CHST11: variants seen among roughly 807,000 people sequenced by gnomAD.
CHST11 encodes the protein C4S-1.
A neutral mutation model predicts 30.4 loss-of-function variants in CHST11; 9 were observed. The observed-to-expected ratio is 0.30, with a 90% confidence interval of 0.18 to 0.52. The LOEUF is 0.52. Among genes scored for constraint, CHST11 ranks in the 20% least tolerant of loss-of-function variants. CHST11 has a pLI of 0.97. For synonymous variants in CHST11, 152 were observed against 187.8 expected (o/e 0.81, Z 1.56); for missense variants, 348 against 460.6 (o/e 0.76, Z 2.24).
chr12:104,677,223 A>G (rs1396776476), intron 2 of CHST11, among the ~76,000 whole-genome samples: 3 of 152,204 alleles, frequency 2.0e-5, no homozygotes, highest in African/African-American at 7.2e-5. Flanking sequence ...GTAATAACAA[A>G]CAGAGCCCAG....
intron 2 of CHST11, among the ~76,000 whole-genome samples, chr12:104,665,026 G>T (rs1400657256): frequency 6.6e-6 from 1 of 152,212 alleles, no homozygotes; most frequent in East Asian, 1.9e-4. Flanking sequence ...CTGCCTGAGT[G>T]CCTCACCTTG....
intron 2 of CHST11, among the ~76,000 whole-genome samples, chr12:104,634,600 A>T (rs566842555): frequency 6.6e-6 from 1 of 152,144 alleles, no homozygotes; most frequent in Non-Finnish European, 1.5e-5. Flanking sequence ...TTTTGCACTT[A>T]CAACTTCTTG....
At chr12:104,584,003 G>A (rs1164777263) in intron 1 of CHST11, among the ~76,000 whole-genome samples, 5 of 151,030 alleles carry the variant, frequency 3.3e-5, no homozygotes, top group African/African-American at 4.9e-5. Context: ...GTGAGCCACC[G>A]CACCCCGTCC....
intron 2 of CHST11, among the ~76,000 whole-genome samples, chr12:104,654,628 C>T (rs941833357): frequency 6.6e-6 from 1 of 152,072 alleles, no homozygotes; most frequent in Non-Finnish European, 1.5e-5. Context: ...TAATGTCCCC[C>T]ATGCCACCCC....
At chr12:104,683,101 G>A (rs551044047) in intron 2 of CHST11, among the ~76,000 whole-genome samples, 1 of 152,226 alleles carries the variant, frequency 6.6e-6, no homozygotes, top group Non-Finnish European at 1.5e-5. Context: ...GGCAAAAGGG[G>A]GCGGGGTCTT....
intron 1 of CHST11, among the ~76,000 whole-genome samples, chr12:104,467,997 CTGTTCTAGG>C (rs1166758053): frequency 6.6e-6 from 1 of 152,192 alleles, no homozygotes; most frequent in Non-Finnish European, 1.5e-5. Context: ...GAGTTAAGCT[CTGTTCTAGG>C]TGTAGAATCA....
intron 1 of CHST11, among the ~76,000 whole-genome samples, chr12:104,589,627 A>G (rs2038838158): frequency 6.6e-6 from 1 of 152,226 alleles, no homozygotes; most frequent in African/African-American, 2.4e-5. Flanking sequence ...CACAATAACA[A>G]AAAAGCAAAA....
intron 2 of CHST11, among the ~76,000 whole-genome samples, chr12:104,634,141 T>TAATTATTCATC (rs2039299907): frequency 6.6e-6 from 1 of 152,226 alleles, no homozygotes; most frequent in Non-Finnish European, 1.5e-5. Flanking sequence ...TGTTGATGAG[T>TAATTATTCATC]AATTATTCAG....
intron 2 of CHST11, among the ~76,000 whole-genome samples, chr12:104,675,869 C>G: frequency 6.6e-6 from 1 of 152,178 alleles, no homozygotes; most frequent in East Asian, 1.9e-4. Flanking sequence ...GACAGAGGTA[C>G]ACCCCTGTTT....
intron 2 of CHST11, among the ~76,000 whole-genome samples, chr12:104,712,595 C>G (rs574735135): frequency 6.6e-6 from 1 of 152,114 alleles, no homozygotes; most frequent in Non-Finnish European, 1.5e-5. Flanking sequence ...GCCTGGAAAG[C>G]ATTTGGTGTG....
chr12:104,488,860 C>T (rs149733879), intron 1 of CHST11, among the ~76,000 whole-genome samples: 2 of 152,086 alleles, frequency 1.3e-5, no homozygotes, highest in African/African-American at 4.8e-5. Context: ...CTGGGTGGCT[C>T]GCAGTTCTGG....
intron 1 of CHST11, among the ~76,000 whole-genome samples, chr12:104,570,882 A>G (rs7961967): frequency 0.28 from 42,785 of 151,512 alleles, 7,566 homozygotes; most frequent in African/African-American, 0.51. Context: ...GTAGAGACGG[A>G]GTTTCGCCAT....
At chr12:104,752,820 C>T (rs2040444799) in intron 2 of CHST11, among the ~76,000 whole-genome samples, 3 of 152,348 alleles carry the variant, frequency 2.0e-5, no homozygotes, top group South Asian at 2.1e-4. Context: ...TGAGCCACCA[C>T]GCCTGGCCTA....
intron 2 of CHST11, among the ~76,000 whole-genome samples, chr12:104,716,375 CA>C (rs1052951638): frequency 6.6e-6 from 1 of 152,230 alleles, no homozygotes; most frequent in African/African-American, 2.4e-5. Context: ...GCACCTCATG[CA>C]AACACTCTAT....
chr12:104,694,187 A>G (rs2039923568), intron 2 of CHST11, among the ~76,000 whole-genome samples: 1 of 152,124 alleles, frequency 6.6e-6, no homozygotes, highest in Non-Finnish European at 1.5e-5. Flanking sequence ...AGCTTGTATC[A>G]TGGACGTACC....
intron 1 of CHST11, among the ~76,000 whole-genome samples, chr12:104,530,188 G>A (rs1486054612): frequency 6.6e-6 from 1 of 152,214 alleles, no homozygotes; most frequent in African/African-American, 2.4e-5. Context: ...AGAAAGAGAG[G>A]TGGGATACTG....
Position 104,471,282 on chromosome 12 carries a change from A to G in CHST11, c.118+13753A>G, listed in dbSNP as rs144226951. ...CAACATCTCCAATAGAGCCTGGTAC[A>G]TAATGGTCACTCAGTAACTATTTGC... is the stretch of plus-strand genomic sequence containing the variant. On this transcript the variant is annotated intron_variant, in intron 1 of 2. Transcript: ENST00000303694. 3.0e-3 allele frequency among the ~76,000 whole-genome samples: 456 copies of G among 152,360 alleles called. 3 individuals carry two copies. The highest frequency in any genetic ancestry group is 0.01 in the African/African-American group (426 of 41,592).
chr12:104,655,112 G>A (rs916433499), intron 2 of CHST11, among the ~76,000 whole-genome samples: 2 of 152,170 alleles, frequency 1.3e-5, no homozygotes, highest in African/African-American at 4.8e-5. Flanking sequence ...TGGTTGGTGA[G>A]GGCACATTCA....
chr12:104,672,776 G>A (rs2039707862), intron 2 of CHST11, among the ~76,000 whole-genome samples: 1 of 152,186 alleles, frequency 6.6e-6, no homozygotes, highest in Non-Finnish European at 1.5e-5. Context: ...TCCAAGCCAA[G>A]AGCCTCCCCC....
Sources: allele counts gnomAD v4.1 joint callset (sites outside exome capture counted in the v4.1 genomes callset), GRCh38; gene constraint gnomAD v4.1.1; transcripts MANE v1.5; gene names NCBI Gene and HGNC (gene_info 2026-07-23, HGNC 2026-07-21).